The following GTF2A1L variants were observed in gnomAD, a reference collection of about 807,000 sequenced individuals.
The protein encoded by GTF2A1L is general transcription factor IIA subunit 1 like.
Under a neutral mutation model 49.7 loss-of-function variants are expected in GTF2A1L, and 48 were observed. The ratio of observed to expected loss-of-function variants is 0.97; its 90% CI spans 0.77 to 1.23. The LOEUF is 1.23. Ranked by LOEUF, GTF2A1L falls within the 50% of genes most tolerant of loss-of-function variation. GTF2A1L has a pLI of 0.00. For missense variants in GTF2A1L, 736 were observed against 564.8 expected, an observed-to-expected ratio of 1.30 and a Z score of -3.07; for synonymous variants, 246 against 193.5, an observed-to-expected ratio of 1.27 and a Z score of -2.25.
At chr2:48,641,378 T>G (rs1406768669) in intron 3 of GTF2A1L, among the ~76,000 whole-genome samples, 3 of 152,138 alleles carry the variant, frequency 2.0e-5, no homozygotes, top group African/African-American at 7.2e-5. Flanking sequence ...GAAGGAATGG[T>G]TAGTTTAAAA....
At chr2:48,645,456 C>T (rs1327742431) in intron 5 of GTF2A1L, among the ~76,000 whole-genome samples, 3 of 152,130 alleles carry the variant, frequency 2.0e-5, no homozygotes, top group Non-Finnish European at 4.4e-5. Context: ...GCTCTAATTA[C>T]GGATTAAAGA....
intron 3 of GTF2A1L, among the ~76,000 whole-genome samples, chr2:48,627,258 A>G (rs1676340664): frequency 6.9e-6 from 1 of 144,396 alleles, no homozygotes; most frequent in Non-Finnish European, 1.6e-5. Context: ...CTAAAACTCA[A>G]CAAATGGTAG....
chr2:48,637,548 C>T (rs1244182873), intron 3 of GTF2A1L, among the ~76,000 whole-genome samples: 2 of 152,094 alleles, frequency 1.3e-5, no homozygotes, highest in Admixed American at 6.6e-5. Context: ...AAGAACGTAA[C>T]ATCACAATTG....
At position 48,629,397 on chromosome 2, in the gene GTF2A1L, C is replaced by T. The variant is rs893378074; in HGVS notation, c.247+8107C>T. On this transcript the variant is annotated intron_variant, in intron 3 of 8. Transcript: ENST00000403751. ...CATGTAAGAATTGTACTGAGTACAA[C>T]GTCTGTGTGTCTTGTTCTGTTGGCT... Among the ~76,000 whole-genome samples the T allele has an allele frequency of 7.6e-5, 11 of 144,216 alleles. 3 individuals carry two copies. The highest frequency in any genetic ancestry group is 1.4e-4 in the Non-Finnish European group (9 of 63,982). The allele number at this position is 144,216 out of a possible 152,430, so 94.6% of individuals were successfully genotyped here.
At chr2:48,619,773 G>GT (rs1352363883) in intron 1 of GTF2A1L, among the ~76,000 whole-genome samples, 1 of 152,202 alleles carries the variant, frequency 6.6e-6, no homozygotes, top group Non-Finnish European at 1.5e-5. Flanking sequence ...GAAGGGCTGA[G>GT]TTTTTTCACA....
intron 8 of GTF2A1L, among the ~76,000 whole-genome samples, chr2:48,673,873 A>C (rs1324909967): frequency 6.6e-6 from 1 of 152,020 alleles, no homozygotes; most frequent in Non-Finnish European, 1.5e-5. Flanking sequence ...CTCTGTAATA[A>C]AGGTTTTATG....
At chr2:48,631,626 T>C (rs527868780) in intron 3 of GTF2A1L, among the ~76,000 whole-genome samples, 1 of 152,280 alleles carries the variant, frequency 6.6e-6, no homozygotes, top group South Asian at 2.1e-4. Context: ...CAGAAAATCA[T>C]TGATTCTTTG....
intron 6 of GTF2A1L, among the ~76,000 whole-genome samples, chr2:48,655,873 AAAC>A (rs1678140942): frequency 1.3e-5 from 2 of 152,180 alleles, no homozygotes; most frequent in African/African-American, 4.8e-5. Context: ...AGTCCCTGAC[AAAC>A]AACAATTCTA....
chr2:48,665,078 C>T (rs1179872351), intron 6 of GTF2A1L, among the ~76,000 whole-genome samples: 1 of 152,046 alleles, frequency 6.6e-6, no homozygotes, highest in East Asian at 1.9e-4. Flanking sequence ...TGTGCCACCA[C>T]ACCTGACTAA....
intron 3 of GTF2A1L, among the ~76,000 whole-genome samples, chr2:48,636,135 C>A (rs151150967): frequency 6.6e-6 from 1 of 152,126 alleles, no homozygotes; most frequent in Admixed American, 6.5e-5. Context: ...AAGCTCAAAC[C>A]ATTGATCTTT....
At chr2:48,637,619 A>G (rs1220320615) in intron 3 of GTF2A1L, among the ~76,000 whole-genome samples, 1 of 152,202 alleles carries the variant, frequency 6.6e-6, no homozygotes, top group Non-Finnish European at 1.5e-5. Context: ...AGAAATGAAC[A>G]AAATTAGAGC....
chr2:48,625,438 C>A lies in GTF2A1L; in HGVS notation c.247+4148C>A, dbSNP rs1326774606. On this transcript the variant is annotated intron_variant, in intron 3 of 8. Transcript: ENST00000403751. ...TTTTCTGTTATTGAGTTGTGTAAAT[C>A]TTTTAATATATTTTGGATATTAAGC... Among the ~76,000 whole-genome samples the A allele has an allele frequency of 1.4e-5, 2 of 143,986 alleles. 1 individual carries two copies. 94.5% of individuals were successfully genotyped at this position (143,986 alleles called of 152,430 possible). A position where few individuals can be genotyped will look rare whatever the true frequency, so the allele number is the denominator to read the frequency against.
chr2:48,656,355 T>G (rs867113696), intron 6 of GTF2A1L, among the ~76,000 whole-genome samples: 3 of 134,714 alleles, frequency 2.2e-5, no homozygotes, highest in African/African-American at 7.2e-5. Context: ...TCTGTTTTTT[T>G]TTTTTTTTTT....
At chr2:48,618,639 A>C (rs1023104734) in intron 1 of GTF2A1L, among the ~76,000 whole-genome samples, 3 of 152,216 alleles carry the variant, frequency 2.0e-5, no homozygotes, top group African/African-American at 7.2e-5. Flanking sequence ...TTTTAGAGAC[A>C]TGCTACTTTA....
At chr2:48,647,450 C>T (rs1677587892) in intron 6 of GTF2A1L, among the ~76,000 whole-genome samples, 1 of 151,998 alleles carries the variant, frequency 6.6e-6, no homozygotes, top group African/African-American at 2.4e-5. Flanking sequence ...ATCTGTTTAC[C>T]AGTCTCTTAT....
chr2:48,663,308 C>A (rs547031603), intron 6 of GTF2A1L, among the ~76,000 whole-genome samples: 117 of 152,010 alleles, frequency 7.7e-4, no homozygotes, highest in Non-Finnish European at 1.6e-3. Flanking sequence ...TGGTGGTGCC[C>A]TCTTGTAGTT....
chr2:48,642,527 A>T (rs940170963), intron 4 of GTF2A1L, 70 bp downstream of exon 4: 2 of 1,399,948 alleles, frequency 1.4e-6, no homozygotes, highest in Non-Finnish European at 2.0e-6. Context: ...CAAAATGCTG[A>T]ACATAGATGT....
chr2:48,623,957 T>C (rs2104073770), intron 3 of GTF2A1L, among the ~76,000 whole-genome samples: 1 of 152,352 alleles, frequency 6.6e-6, no homozygotes, highest in East Asian at 1.9e-4. Context: ...TCAGGTACTA[T>C]GTTCACTATT....
chr2:48,671,508 T>C lies in GTF2A1L; in HGVS notation c.1240-83T>C, dbSNP rs948784563. 3 of 1,417,840 alleles carry C rather than the reference T, an allele frequency of 2.1e-6. No homozygotes were observed. The African/African-American group carries it at 4.3e-5, about 20-fold the overall frequency. The allele number at this position is 1,417,840 out of a possible 1,614,324, so 87.8% of individuals were successfully genotyped here. A position where few individuals can be genotyped will look rare whatever the true frequency, so the allele number is the denominator to read the frequency against. On this transcript the variant is annotated intron_variant, in intron 7 of 8. Coordinates refer to ENST00000403751, the MANE Select transcript of GTF2A1L (RefSeq NM_006872.5). ...AATGAGCCACCACGCCGAGACAAGT[T>C]CCTTTATTTCTATATGTCTCTTTAT...
Sources: gnomAD v4.1 joint callset for allele counts (sites outside exome capture counted in the v4.1 genomes callset) on GRCh38, gnomAD v4.1.1 for gene constraint, MANE v1.5 for transcripts, NCBI Gene and HGNC (gene_info 2026-07-23, HGNC 2026-07-21) for gene names.